Variants in AGBL1 observed in about 807,000 individuals in gnomAD.
AGBL1 encodes the protein AGBL carboxypeptidase 1, also known as cytosolic carboxypeptidase 4.
AGBL1 carries 130 observed loss-of-function variants against 118.9 expected under a neutral mutation model. The observed-to-expected ratio is 1.09, with a 90% CI of 0.95 to 1.26. The LOEUF is 1.26. Ranked by LOEUF, AGBL1 falls within the 50% of genes most tolerant of loss-of-function variation. The probability of loss-of-function intolerance (pLI) is 0.00; values close to 1 mark genes in which losing one functional copy is unlikely to be tolerated. For synonymous variants in AGBL1, 555 were observed against 478.9 expected, an observed-to-expected ratio of 1.16 and a Z score of -2.08; for missense variants, 1,584 against 1,298.1, an observed-to-expected ratio of 1.22 and a Z score of -3.38.
At chr15:86,521,075 T>C (rs1425237034) in intron 18 of AGBL1, among the ~76,000 whole-genome samples, 1 of 152,210 alleles carries the variant, frequency 6.6e-6, no homozygotes, top group Admixed American at 6.5e-5. Flanking sequence ...ACCTACCATT[T>C]ATCAAGTCAA....
At chr15:86,264,980 C>A (rs998443176) in intron 11 of AGBL1, 142 bp downstream of exon 11, 1 of 823,624 alleles carries the variant, frequency 1.2e-6, no homozygotes, top group Non-Finnish European at 1.8e-6. Flanking sequence ...GGCAAACTGG[C>A]CAAACACACA....
intron 21 of AGBL1, among the ~76,000 whole-genome samples, chr15:86,616,344 A>AT (rs2084722997): frequency 2.0e-4 from 7 of 35,178 alleles, no homozygotes; most frequent in East Asian, 2.0e-3. Flanking sequence ...CACTTCAAAA[A>AT]AAAAAAAAAA....
At chr15:86,616,261 C>T (rs1266145377) in intron 21 of AGBL1, among the ~76,000 whole-genome samples, 4 of 150,484 alleles carry the variant, frequency 2.7e-5, no homozygotes, top group East Asian at 3.9e-4. Flanking sequence ...CGCTTGAACC[C>T]GGGAGGCAGA....
intron 23 of AGBL1, chr15:86,946,478 A>C (rs983982877): frequency 6.6e-6 from 1 of 152,178 alleles, no homozygotes; most frequent in African/African-American, 2.4e-5. Flanking sequence ...ACATGAGTCC[A>C]TAAACCTTTT....
intron 24 of AGBL1, among the ~76,000 whole-genome samples, chr15:87,025,923 A>G: frequency 6.6e-6 from 1 of 152,122 alleles, no homozygotes; most frequent in Non-Finnish European, 1.5e-5. Context: ...CACCCTTTTC[A>G]ACAAATGGTG....
chr15:86,377,574 C>A (rs2081057255), intron 17 of AGBL1, among the ~76,000 whole-genome samples: 1 of 152,148 alleles, frequency 6.6e-6, no homozygotes, highest in Admixed American at 6.6e-5. Flanking sequence ...TTATCAGGTC[C>A]CAAAGGCTTC....
chr15:86,786,955 G>T (rs191993809), intron 22 of AGBL1, among the ~76,000 whole-genome samples: 13 of 152,216 alleles, frequency 8.5e-5, no homozygotes, highest in African/African-American at 3.1e-4. Flanking sequence ...GTCTGCAACT[G>T]GTGGTACCAA....
chr15:86,641,922 G>C (rs977998719), intron 21 of AGBL1, among the ~76,000 whole-genome samples: 4 of 152,108 alleles, frequency 2.6e-5, no homozygotes, highest in African/African-American at 9.7e-5. Flanking sequence ...GGCTTGGGTG[G>C]GCAGGTCTAC....
At chr15:86,229,401 A>G (rs183825785) in intron 6 of AGBL1, among the ~76,000 whole-genome samples, 2,103 of 152,288 alleles carry the variant, frequency 0.014, 44 homozygotes, top group Non-Finnish European at 0.017. Flanking sequence ...CCCTTATGAA[A>G]CCATCACATC....
intron 5 of AGBL1, among the ~76,000 whole-genome samples, chr15:86,216,583 C>G (rs1567133038): frequency 6.6e-6 from 1 of 152,164 alleles, no homozygotes; most frequent in Non-Finnish European, 1.5e-5. Flanking sequence ...TTTCAGATGT[C>G]AAACCAACCC....
chr15:86,219,984 C>T (rs563802698), intron 5 of AGBL1, among the ~76,000 whole-genome samples: 4 of 112,960 alleles, frequency 3.5e-5, no homozygotes, highest in Non-Finnish European at 5.1e-5. Flanking sequence ...TGGAGTTTCA[C>T]TCTGTTGCCC....
downstream of AGBL1, among the ~76,000 whole-genome samples, chr15:86,919,141 T>G (rs2080459305): frequency 6.6e-6 from 1 of 152,220 alleles, no homozygotes; most frequent in Non-Finnish European, 1.5e-5. Flanking sequence ...TAGGAAAGGA[T>G]CTATACTCTT....
intron 22 of AGBL1, among the ~76,000 whole-genome samples, chr15:86,760,461 A>G (rs2078007862): frequency 6.6e-6 from 1 of 152,072 alleles, no homozygotes; most frequent in South Asian, 2.1e-4. Context: ...GACTTTCTAA[A>G]TGCAGAGAAA....
chr15:86,509,069 A>C (rs1308346679), intron 18 of AGBL1, among the ~76,000 whole-genome samples: 1 of 152,170 alleles, frequency 6.6e-6, no homozygotes, highest in Admixed American at 6.6e-5. Context: ...AACAAAGTTA[A>C]ATAACTTGGT....
At chr15:86,674,963 G>T (rs1014687391) in intron 22 of AGBL1, among the ~76,000 whole-genome samples, 10 of 152,284 alleles carry the variant, frequency 6.6e-5, no homozygotes, top group African/African-American at 2.4e-4. Context: ...GGAAAGGCTA[G>T]ATTTCTGAGA....
intron 22 of AGBL1, among the ~76,000 whole-genome samples, chr15:86,732,611 G>A (rs1234794710): frequency 1.3e-5 from 2 of 152,158 alleles, no homozygotes; most frequent in Non-Finnish European, 2.9e-5. Context: ...TATGGGGTAA[G>A]TAACAAGGAG....
At chr15:86,494,099 G>A (rs920013689) in intron 18 of AGBL1, among the ~76,000 whole-genome samples, 2 of 152,084 alleles carry the variant, frequency 1.3e-5, no homozygotes, top group Admixed American at 1.3e-4. Flanking sequence ...CATGGGGTAA[G>A]AGGTGGGAGA....
At chr15:86,626,338 C>T (rs116559500) in intron 21 of AGBL1, among the ~76,000 whole-genome samples, 3,856 of 152,174 alleles carry the variant, frequency 0.025, 155 homozygotes, top group African/African-American at 0.081. Flanking sequence ...TGAAAAAGAA[C>T]GAGACCATGT....
chr15:86,413,185 A>C (rs1238648486), intron 18 of AGBL1, among the ~76,000 whole-genome samples: 1 of 152,172 alleles, frequency 6.6e-6, no homozygotes, highest in Non-Finnish European at 1.5e-5. Context: ...GAAGAGAAAA[A>C]TAAAAGATGC....
Sources: allele counts gnomAD v4.1 joint callset (sites outside exome capture counted in the v4.1 genomes callset), GRCh38; gene constraint gnomAD v4.1.1; transcripts MANE v1.5; gene names NCBI Gene and HGNC (gene_info 2026-07-23, HGNC 2026-07-21).